The following HCN1 variants were observed in gnomAD, a reference collection of about 807,000 sequenced individuals.
The protein encoded by HCN1 is hyperpolarization activated cyclic nucleotide gated potassium channel 1, also known as potassium/sodium hyperpolarization-activated cyclic nucleotide-gated channel 1.
Under a neutral mutation model 78.9 loss-of-function variants are expected in HCN1, and 13 were observed. The observed-to-expected ratio is 0.16, with a 90% CI of 0.11 to 0.26. The LOEUF is 0.26. HCN1 is among the 10% of genes least tolerant of loss of function. The pLI, the probability that HCN1 is intolerant of heterozygous loss-of-function variation, is 1.00. For missense variants in HCN1, 810 were observed against 1,154.3 expected, an observed-to-expected ratio of 0.70 and a Z score of 4.32; for synonymous variants, 552 against 455.5, an observed-to-expected ratio of 1.21 and a Z score of -2.70.
At chr5:45,293,785 T>A (rs1454464011) in intron 6 of HCN1, among the ~76,000 whole-genome samples, 2 of 151,920 alleles carry the variant, frequency 1.3e-5, no homozygotes, top group African/African-American at 4.8e-5. Context: ...GTGACTAGCA[T>A]CTCTCTCACA....
intron 3 of HCN1, among the ~76,000 whole-genome samples, chr5:45,424,209 C>T (rs1215486770): frequency 6.6e-6 from 1 of 151,474 alleles, no homozygotes; most frequent in Non-Finnish European, 1.5e-5. Flanking sequence ...AGGAGAATGG[C>T]GTGAACCCGG....
intron 2 of HCN1, among the ~76,000 whole-genome samples, chr5:45,544,123 A>G (rs1004369823): frequency 3.9e-5 from 6 of 152,132 alleles, no homozygotes; most frequent in Admixed American, 2.0e-4. Flanking sequence ...GTACCTTAGC[A>G]TTCTGAGGAA....
chr5:45,527,587 T>G (rs1407749169), intron 2 of HCN1, among the ~76,000 whole-genome samples: 1 of 151,146 alleles, frequency 6.6e-6, no homozygotes, highest in Non-Finnish European at 1.5e-5. Flanking sequence ...CTCCCATCAT[T>G]CTCATTCTCT....
intron 6 of HCN1, among the ~76,000 whole-genome samples, chr5:45,289,900 C>A (rs1207581226): frequency 6.6e-6 from 1 of 151,982 alleles, no homozygotes; most frequent in African/African-American, 2.4e-5. Flanking sequence ...TCTTTGTATT[C>A]TCTCATGGTA....
At chr5:45,415,640 G>T (rs372145362) in intron 3 of HCN1, among the ~76,000 whole-genome samples, 10 of 152,016 alleles carry the variant, frequency 6.6e-5, no homozygotes, top group African/African-American at 2.4e-4. Context: ...AGCTCATTTT[G>T]TAAGTTTCTC....
At chr5:45,683,287 G>T (rs1739739945) in intron 1 of HCN1, among the ~76,000 whole-genome samples, 1 of 151,788 alleles carries the variant, frequency 6.6e-6, no homozygotes. Flanking sequence ...TTTTTAGTCA[G>T]TGATTTTCTT....
At position 45,255,116 on chromosome 5, in the gene HCN1, G is replaced by C. The variant is rs1744580840; in HGVS notation, c.*6805C>G. ...AAATTATAATACCTAACACATATTA[G>C]TTTTCTCTTCCCTGGTTCTAACTAG... On this transcript the variant is annotated 3_prime_UTR_variant, in exon 8 of 8. Transcript: ENST00000303230. 6.6e-6 allele frequency: 1 copy of C among 152,318 alleles called. No homozygotes were observed. The highest frequency in any genetic ancestry group is 2.1e-4 in the South Asian group (1 of 4,830). The allele number at this position is 152,318 out of a possible 1,614,324, so 9.4% of individuals were successfully genotyped here.
At chr5:45,528,812 T>C (rs889612018) in intron 2 of HCN1, among the ~76,000 whole-genome samples, 2 of 151,932 alleles carry the variant, frequency 1.3e-5, no homozygotes, top group Non-Finnish European at 2.9e-5. Flanking sequence ...AAGAAAAATA[T>C]AGACCATGTC....
intron 2 of HCN1, among the ~76,000 whole-genome samples, chr5:45,540,778 C>T (rs1264323634): frequency 3.3e-5 from 5 of 152,120 alleles, no homozygotes; most frequent in East Asian, 3.9e-4. Context: ...TCAAACTCTA[C>T]ATATCATAAT....
intron 2 of HCN1, among the ~76,000 whole-genome samples, chr5:45,640,339 T>G (rs891787999): frequency 2.0e-5 from 3 of 152,160 alleles, no homozygotes; most frequent in African/African-American, 7.2e-5. Context: ...TTTATTGTGT[T>G]TATAACCCTG....
chr5:45,511,467 T>C (rs946799855), intron 2 of HCN1, among the ~76,000 whole-genome samples: 1 of 152,066 alleles, frequency 6.6e-6, no homozygotes, highest in Non-Finnish European at 1.5e-5. Flanking sequence ...AGCCAGATGA[T>C]GAAGGTTAAC....
At chr5:45,648,911 T>G (rs1745624265) in intron 1 of HCN1, among the ~76,000 whole-genome samples, 1 of 151,894 alleles carries the variant, frequency 6.6e-6, no homozygotes, top group South Asian at 2.1e-4. Flanking sequence ...ATCAATTTGC[T>G]AGGTCAACAA....
chr5:45,676,527 A>G (rs974810307), intron 1 of HCN1, among the ~76,000 whole-genome samples: 2 of 151,800 alleles, frequency 1.3e-5, no homozygotes, highest in African/African-American at 4.8e-5. Context: ...GGAACAAGAC[A>G]CTTAGGCCAT....
intron 4 of HCN1, among the ~76,000 whole-genome samples, chr5:45,375,044 G>A (rs1747573894): frequency 8.0e-6 from 1 of 125,196 alleles, no homozygotes; most frequent in African/African-American, 3.0e-5. Flanking sequence ...ATACTCAAAG[G>A]AATGGAATTT....
At chr5:45,548,493 C>T (rs1240431891) in intron 2 of HCN1, among the ~76,000 whole-genome samples, 2 of 151,976 alleles carry the variant, frequency 1.3e-5, no homozygotes, top group African/African-American at 4.8e-5. Flanking sequence ...CGGGACATAT[C>T]TCGAAATAAT....
At chr5:45,630,352 C>T (rs535882095) in intron 2 of HCN1, among the ~76,000 whole-genome samples, 24 of 152,250 alleles carry the variant, frequency 1.6e-4, no homozygotes, top group African/African-American at 5.8e-4. Flanking sequence ...AATTGTTAAT[C>T]TCTCTGTGCC....
intron 2 of HCN1, among the ~76,000 whole-genome samples, chr5:45,578,480 T>C (rs778915545): frequency 2.0e-5 from 3 of 152,014 alleles, no homozygotes; most frequent in African/African-American, 4.8e-5. Context: ...CAAAACTATA[T>C]GCCAGTGTTT....
At chr5:45,535,142 T>TA (rs1008541858) in intron 2 of HCN1, among the ~76,000 whole-genome samples, 4 of 152,106 alleles carry the variant, frequency 2.6e-5, no homozygotes, top group African/African-American at 4.8e-5. Flanking sequence ...TTAAATAAAG[T>TA]AAAAAAATAA....
intron 2 of HCN1, among the ~76,000 whole-genome samples, chr5:45,472,397 T>G (rs2111653911): frequency 6.6e-6 from 1 of 151,908 alleles, no homozygotes; most frequent in Non-Finnish European, 1.5e-5. Flanking sequence ...GTGTCTGTGT[T>G]CTTACTAGAT....
Sources: gnomAD v4.1 joint callset for allele counts (sites outside exome capture counted in the v4.1 genomes callset) on GRCh38, gnomAD v4.1.1 for gene constraint, MANE v1.5 for transcripts, NCBI Gene and HGNC (gene_info 2026-07-23, HGNC 2026-07-21) for gene names.